The following NDRG3 variants were observed in gnomAD, a reference collection of about 807,000 sequenced individuals.
NDRG3 encodes protein NDRG3.
NDRG3 carries 23 observed loss-of-function variants against 57.2 expected under a neutral mutation model. The observed-to-expected ratio is 0.40, with a 90% CI of 0.29 to 0.57. NDRG3 has a LOEUF of 0.57. Among genes scored for constraint, NDRG3 ranks in the 20% least tolerant of loss-of-function variants. The pLI is 0.42. For missense variants in NDRG3, 384 were observed against 457.3 expected (o/e 0.84, Z 1.46); for synonymous variants, 132 against 162.6 (o/e 0.81, Z 1.43).
chr20:36,713,698 AT>A (rs1223566971), intron 2 of NDRG3, among the ~76,000 whole-genome samples: 1 of 152,210 alleles, frequency 6.6e-6, no homozygotes, highest in East Asian at 1.9e-4. Context: ...CTGATTCACC[AT>A]TCTATTCCTG....
intron 2 of NDRG3, among the ~76,000 whole-genome samples, chr20:36,721,338 G>A (rs1017213898): frequency 1.3e-5 from 2 of 151,642 alleles, no homozygotes; most frequent in Admixed American, 6.6e-5. Context: ...AGACCATCCT[G>A]GCCAACATGA....
At chr20:36,729,533 C>A (rs1163676405) in intron 1 of NDRG3, among the ~76,000 whole-genome samples, 1 of 145,908 alleles carries the variant, frequency 6.9e-6, no homozygotes, top group Non-Finnish European at 1.5e-5. Flanking sequence ...TAGCAACAAT[C>A]TTTTTTTTTT....
At chr20:36,693,544 C>T (rs549626187) in intron 3 of NDRG3, among the ~76,000 whole-genome samples, 2 of 151,970 alleles carry the variant, frequency 1.3e-5, no homozygotes, top group East Asian at 3.9e-4. Flanking sequence ...TCTTAGGAAC[C>T]GAGCCGCACA....
chr20:36,715,035 TA>T (rs1984181325), intron 2 of NDRG3, among the ~76,000 whole-genome samples: 1 of 118,732 alleles, frequency 8.4e-6, no homozygotes, highest in African/African-American at 3.7e-5. Flanking sequence ...TATATATATA[TA>T]TATATATATA....
At chr20:36,735,728 C>T (rs1485542687) in intron 1 of NDRG3, among the ~76,000 whole-genome samples, 1 of 152,078 alleles carries the variant, frequency 6.6e-6, no homozygotes, top group African/African-American at 2.4e-5. Context: ...AGGCAGGGCA[C>T]CTGTAATCCC....
intron 3 of NDRG3, among the ~76,000 whole-genome samples, chr20:36,696,260 C>A (rs775333438): frequency 2.6e-4 from 39 of 151,550 alleles, no homozygotes; most frequent in Non-Finnish European, 4.7e-4. Context: ...CCACACCTGG[C>A]TAATTTTGTA....
At chr20:36,670,526 T>C (rs1222659288) in intron 9 of NDRG3, among the ~76,000 whole-genome samples, 8 of 152,216 alleles carry the variant, frequency 5.3e-5, no homozygotes, top group Non-Finnish European at 1.5e-5. Flanking sequence ...ACAATCTGGA[T>C]AGTGGTGGCA....
intron 5 of NDRG3, among the ~76,000 whole-genome samples, chr20:36,685,871 G>A (rs1444965636): frequency 1.3e-5 from 2 of 152,158 alleles, no homozygotes; most frequent in East Asian, 1.9e-4. Context: ...TTAGCCAGGC[G>A]TGTTGGCACA....
intron 8 of NDRG3, among the ~76,000 whole-genome samples, chr20:36,680,484 C>CAAAAA (rs71186011): frequency 7.8e-6 from 1 of 127,398 alleles, no homozygotes. Flanking sequence ...GACTCCATCT[C>CAAAAA]AAAAAAAAAA....
At chr20:36,703,299 G>A (rs1454508979) in intron 3 of NDRG3, among the ~76,000 whole-genome samples, 11 of 151,586 alleles carry the variant, frequency 7.3e-5, no homozygotes, top group Admixed American at 7.2e-4. Context: ...ATAGTTATCT[G>A]TAATATATCT....
At chr20:36,676,622 C>A (rs971821572) in intron 8 of NDRG3, among the ~76,000 whole-genome samples, 1 of 152,204 alleles carries the variant, frequency 6.6e-6, no homozygotes, top group Non-Finnish European at 1.5e-5. Context: ...ACCACCAGGC[C>A]TGGCTAATGT....
intron 6 of NDRG3, among the ~76,000 whole-genome samples, chr20:36,684,075 G>A (rs1232495846): frequency 6.6e-6 from 1 of 152,138 alleles, no homozygotes; most frequent in Admixed American, 6.6e-5. Context: ...ACTCACTGTA[G>A]CCTTGAACTG....
intron 9 of NDRG3, among the ~76,000 whole-genome samples, chr20:36,666,657 G>A (rs1600862534): frequency 6.6e-6 from 1 of 152,016 alleles, no homozygotes; most frequent in South Asian, 2.1e-4. Flanking sequence ...AGGTCACCTC[G>A]TCACTCTGAA....
chr20:36,693,585 CT>C (rs1158671431), intron 3 of NDRG3, among the ~76,000 whole-genome samples: 1 of 151,948 alleles, frequency 6.6e-6, no homozygotes, highest in East Asian at 1.9e-4. Context: ...AAGAGCAAAG[CT>C]TCTGTCTTAA....
chr20:36,705,796 C>A (rs1983518582), intron 3 of NDRG3, among the ~76,000 whole-genome samples: 2 of 152,136 alleles, frequency 1.3e-5, no homozygotes. Context: ...GTTGCCCAGG[C>A]TGAAGTGTGG....
chr20:36,697,125 C>T (rs1290129144), intron 3 of NDRG3, among the ~76,000 whole-genome samples: 1 of 152,146 alleles, frequency 6.6e-6, no homozygotes, highest in Non-Finnish European at 1.5e-5. Flanking sequence ...ACTTCAGAGA[C>T]AAAGCGTAGA....
In NDRG3 at chr20:36,682,171, C is replaced by T. The variant is rs553404889; in HGVS notation, c.444+347G>A. 2.5e-3 allele frequency among the ~76,000 whole-genome samples: 384 copies of T among 152,260 alleles called. 3 individuals carry two copies. Among genetic ancestry groups the T allele is most frequent in the African/African-American group, 8.7e-3 (361 of 41,558 alleles). Reference sequence around the variant, plus strand: ...AGTCCTTTCCTATGGCTATGACAAACTTTATGTCAATCTATATTCTAACTT... The same window carrying T: ...AGTCCTTTCCTATGGCTATGACAAATTTTATGTCAATCTATATTCTAACTT... On this transcript the variant is annotated intron_variant, in intron 7 of 15. Coordinates refer to ENST00000349004, the MANE Select transcript of NDRG3 (RefSeq NM_032013.4).
In NDRG3 at chr20:36,653,494, C is replaced by G; in HGVS notation, c.*26G>C. 6.2e-7 allele frequency: 1 copy of G among 1,601,836 alleles called. No homozygotes were observed. ...AGTGGTCATTTGAAGGATGGACTTGCAATGGTCCAGGGGAGGAGCATCTGC... is the reference window on the plus strand; with the variant it reads ...AGTGGTCATTTGAAGGATGGACTTGGAATGGTCCAGGGGAGGAGCATCTGC... On this transcript the variant is annotated 3_prime_UTR_variant, in exon 16 of 16. Coordinates refer to ENST00000349004, the MANE Select transcript of NDRG3 (RefSeq NM_032013.4). This position sits in a 1 kb window ranked among gnomAD's most constrained non-coding sequence, Gnocchi z 4.2.
At chr20:36,743,413 G>T (rs930782796) in intron 1 of NDRG3, among the ~76,000 whole-genome samples, 3 of 152,192 alleles carry the variant, frequency 2.0e-5, no homozygotes, top group African/African-American at 7.2e-5. Flanking sequence ...AAAATCGCTT[G>T]AACCCAGGAT....
Sources: allele counts gnomAD v4.1 joint callset (sites outside exome capture counted in the v4.1 genomes callset), GRCh38; gene constraint gnomAD v4.1.1; non-coding constraint Gnocchi (gnomAD v3.1); transcripts MANE v1.5; gene names NCBI Gene and HGNC (gene_info 2026-07-23, HGNC 2026-07-21).